The following VCAN variants were observed in gnomAD, a reference collection of about 807,000 sequenced individuals.
VCAN encodes the protein versican.
A neutral mutation model predicts 245.5 loss-of-function variants in VCAN; 44 were observed. The observed-to-expected ratio is 0.18, with a 90% CI of 0.14 to 0.23. VCAN has a LOEUF of 0.23. VCAN is among the 10% of genes least tolerant of loss of function. The pLI is 1.00. For synonymous variants in VCAN, 1,413 were observed against 1,437.0 expected, an observed-to-expected ratio of 0.98 and a Z score of 0.38; for missense variants, 3,793 against 4,057.9, an observed-to-expected ratio of 0.93 and a Z score of 1.77.
intron 1 of VCAN, among the ~76,000 whole-genome samples, chr5:83,481,983 G>T (rs1206443486): frequency 6.6e-6 from 1 of 152,004 alleles, no homozygotes; most frequent in Non-Finnish European, 1.5e-5. Flanking sequence ...AGTTTTTCAG[G>T]GTCCCAGCTG....
chr5:83,540,827 T>G lies in VCAN; in HGVS notation c.7824T>G (p.Ser2608Arg). 5 of 1,613,980 alleles carry G rather than the reference T, an allele frequency of 3.1e-6. No individual in the cohort carries two copies. Among genetic ancestry groups the G allele is most frequent in the Non-Finnish European group, 4.2e-6 (5 of 1,179,964 alleles). The change falls in exon 8 of 15, where the codon AGT (serine) becomes AGG (arginine). Residue 2608 changes from serine (S) to arginine (R), a missense_variant. Physicochemically the swap from Ser to Arg is moderately radical, Grantham distance 110. Transcript: ENST00000265077. Reference protein sequence around the residue: ...DTEVPSEPHDSNDESNDDSTQ... With the variant: ...DTEVPSEPHDRNDESNDDSTQ... The stretch of plus-strand genomic sequence containing the variant: ...AGGTACCATCAGAACCACATGACAG[T>G]AATGATGAAAGTAATGATGACAGCA...
chr5:83,477,943 A>G (rs1011548285), intron 1 of VCAN, among the ~76,000 whole-genome samples: 1 of 148,922 alleles, frequency 6.7e-6, no homozygotes, highest in African/African-American at 2.5e-5. Context: ...AAAAAAAATA[A>G]TTTTTTTCTT....
chr5:83,510,207 C>G (rs1745609690), intron 5 of VCAN, among the ~76,000 whole-genome samples: 2 of 152,184 alleles, frequency 1.3e-5, no homozygotes, highest in Non-Finnish European at 2.9e-5. Flanking sequence ...AGTAATTTCT[C>G]TCTCCCTTCT....
chr5:83,493,921 T>C lies in VCAN; in HGVS notation c.738T>C (p.Asp246=), dbSNP rs1011389266. 8.7e-6 allele frequency: 14 copies of C among 1,614,114 alleles called. No individual in the cohort carries two copies. The highest frequency in any genetic ancestry group is 1.1e-5 in the Non-Finnish European group (13 of 1,179,982). The change falls in exon 5 of 15, where the codon GAT becomes GAC. Residue 246 remains aspartate (D), a synonymous_variant. Transcript: ENST00000265077. ...QETYDVYCYV[D]HLDGDVFHLT... Reference sequence around the variant, plus strand: ...CTTACGATGTGTATTGTTATGTGGATCATCTGGATGGTAAGATGTTTGAGT... The same window carrying C: ...CTTACGATGTGTATTGTTATGTGGACCATCTGGATGGTAAGATGTTTGAGT...
At position 83,519,737 on chromosome 5, in the gene VCAN, C is replaced by A; in HGVS notation, c.1431C>A (p.Val477=). 6.2e-7 allele frequency: 1 copy of A among 1,614,088 alleles called. No individual in the cohort carries two copies. The highest frequency in any genetic ancestry group is 2.2e-5 in the East Asian group (1 of 44,880). The change falls in exon 7 of 15, where the codon GTC becomes GTA. Residue 477 remains valine, a synonymous_variant. Transcript: ENST00000265077. Reference sequence around the variant, plus strand: ...ATGCTACGGATTCATGGGATGGTGTCGTGGAAGATAAACAAACACAAGAAT... The same window carrying A: ...ATGCTACGGATTCATGGGATGGTGTAGTGGAAGATAAACAAACACAAGAAT... ...SHYATDSWDG[V]VEDKQTQESV...
intron 12 of VCAN, among the ~76,000 whole-genome samples, chr5:83,558,865 G>A (rs1277482693): frequency 1.3e-5 from 2 of 151,834 alleles, no homozygotes; most frequent in African/African-American, 4.8e-5. Flanking sequence ...TTTATTTGGG[G>A]TGTTTGCCCA....
Position 83,471,781 on chromosome 5 carries a change from T to G in VCAN, c.-249T>G. The G allele has an allele frequency of 2.5e-6, 1 of 398,862 alleles. No individual in the cohort carries two copies. The allele number at this position is 398,862 out of a possible 1,614,324, so 24.7% of individuals were successfully genotyped here. A position where few individuals can be genotyped will look rare whatever the true frequency, so the allele number is the denominator to read the frequency against. ...GCAGGCGAGCTGCCCCGAGCCTTTC[T>G]GGGGAAGAACTCCAGGCGTGCGGAC... is the stretch of plus-strand genomic sequence containing the variant. On this transcript the variant is annotated 5_prime_UTR_variant, in exon 1 of 15. Transcript: ENST00000265077.
Position 83,512,139 on chromosome 5 carries a change from C to G in VCAN, c.785C>G (p.Thr262Ser). ...VFHLTVPSKF[T>S]FEEAAKECEN... ...CACCTCACTGTCCCCAGTAAATTCA[C>G]CTTCGAGGAGGCTGCAAAAGAGTGT... Residue 262 changes from threonine to serine, a missense_variant, in exon 6 of 15, where the codon ACC (threonine) becomes AGC (serine). Physicochemically the swap from Thr to Ser is moderately conservative, Grantham distance 58 (BLOSUM62 1). Coordinates refer to ENST00000265077, the MANE Select transcript of VCAN (RefSeq NM_004385.5). 3.7e-6 allele frequency: 6 copies of G among 1,614,114 alleles called. No individual in the cohort carries two copies. Among genetic ancestry groups the G allele is most frequent in the Non-Finnish European group, 5.1e-6 (6 of 1,180,034 alleles).
intron 2 of VCAN, among the ~76,000 whole-genome samples, chr5:83,486,168 C>T (rs912405557): frequency 1.2e-4 from 18 of 152,098 alleles, no homozygotes; most frequent in Non-Finnish European, 2.5e-4. Context: ...TAAATTCCTC[C>T]TCCATGTTCC....
chr5:83,490,034 A>G lies in VCAN; in HGVS notation c.71-64A>G, dbSNP rs1003088738. On this transcript the variant is annotated intron_variant, in intron 2 of 14. Coordinates refer to ENST00000265077, the MANE Select transcript of VCAN (RefSeq NM_004385.5). The stretch of plus-strand genomic sequence containing the variant: ...TTATAAAGGCTGCTTATCCATTCAC[A>G]TATTGAATAGATTAAGTTTGGGTTT... 10 of 1,565,486 alleles carry G rather than the reference A, an allele frequency of 6.4e-6. No individual in the cohort carries two copies. The South Asian group carries it at 1.1e-4, about 17-fold the overall frequency.
At chr5:83,504,278 A>G (rs1330419020) in intron 5 of VCAN, among the ~76,000 whole-genome samples, 3 of 152,148 alleles carry the variant, frequency 2.0e-5, no homozygotes, top group Non-Finnish European at 4.4e-5. Flanking sequence ...GATACTGCAT[A>G]TGTTTTCCAT....
At chr5:83,477,996 G>T (rs1744460036) in intron 1 of VCAN, among the ~76,000 whole-genome samples, 1 of 146,990 alleles carries the variant, frequency 6.8e-6, no homozygotes, top group Non-Finnish European at 1.5e-5. Context: ...AGGTTGGAGT[G>T]CAGTGGCACG....
intron 2 of VCAN, 94 bp from the exon 3 acceptor site, chr5:83,490,004 A>G (rs1744920402): frequency 7.3e-7 from 1 of 1,373,682 alleles, no homozygotes; most frequent in Non-Finnish European, 1.0e-6. Flanking sequence ...GATGTAACCA[A>G]ACTATTATAA....
intron 6 of VCAN, 103 bp from the exon 7 acceptor site, chr5:83,519,246 A>G (rs1745975350): frequency 7.9e-7 from 1 of 1,264,964 alleles, no homozygotes; most frequent in South Asian, 1.4e-5. Flanking sequence ...TGGGCCACCC[A>G]AAAATACTCC....
chr5:83,575,183 A>G (rs1443219240), intron 13 of VCAN, among the ~76,000 whole-genome samples: 2 of 152,198 alleles, frequency 1.3e-5, no homozygotes, highest in Non-Finnish European at 2.9e-5. Flanking sequence ...GAGAAATTCT[A>G]TTAGAAGAAA....
intron 5 of VCAN, among the ~76,000 whole-genome samples, chr5:83,504,605 C>T (rs1393243629): frequency 2.0e-5 from 3 of 152,140 alleles, no homozygotes; most frequent in Non-Finnish European, 4.4e-5. Context: ...TGGTCTCAAA[C>T]TCCTGACCTC....
In VCAN at chr5:83,540,664, T is replaced by C. The variant is rs1159752655; in HGVS notation, c.7661T>C (p.Leu2554Ser). 1 of 1,613,828 alleles carries C rather than the reference T, an allele frequency of 6.2e-7. No homozygotes were observed. The highest frequency in any genetic ancestry group is 8.5e-7 in the Non-Finnish European group (1 of 1,179,956). Residue 2554 changes from leucine to serine, a missense_variant, in exon 8 of 15, where the codon TTA becomes TCA. Leu to Ser is a moderately radical substitution (Grantham distance 145). Coordinates refer to ENST00000265077, the MANE Select transcript of VCAN (RefSeq NM_004385.5). Reference protein sequence around the residue: ...IIDLDKEDKDLILTITESTIL... With the variant: ...IIDLDKEDKDSILTITESTIL... ...GACCTGGACAAAGAGGACAAGGATT[T>C]AATATTGACAATTACAGAGAGTACC...
rs201274252 is a variant in VCAN, at chr5:83,490,430, G to T, written c.403G>T (p.Gly135Trp). 3 of 1,614,154 alleles carry T rather than the reference G, an allele frequency of 1.9e-6. No individual in the cohort carries two copies. Among genetic ancestry groups the T allele is most frequent in the African/African-American group, 1.3e-5 (1 of 75,038 alleles). The change falls in exon 3 of 15, where the codon GGG becomes TGG. Residue 135 changes from glycine (G) to tryptophan (W), a missense_variant. Gly to Trp is a radical substitution (Grantham distance 184). Transcript: ENST00000265077. ...AGLYRCDVMY[G>W]IEDTQDTVSL... is the part of the protein sequence containing the mutation. ...TCTTTACCGCTGTGACGTCATGTAC[G>T]GGATTGAAGACACACAAGACACGGT... is the stretch of plus-strand genomic sequence containing the variant.
chr5:83,531,819 T>C (rs1250336757), intron 7 of VCAN, among the ~76,000 whole-genome samples: 2 of 151,890 alleles, frequency 1.3e-5, no homozygotes, highest in Non-Finnish European at 2.9e-5. Context: ...TAATTTGAGG[T>C]CAGCTAGCAA....
Sources: allele counts gnomAD v4.1 joint callset (sites outside exome capture counted in the v4.1 genomes callset), GRCh38; gene constraint gnomAD v4.1.1; transcripts MANE v1.5; gene names NCBI Gene and HGNC (gene_info 2026-07-23, HGNC 2026-07-21).